The following WRN variants were observed in gnomAD, a reference collection of about 807,000 sequenced individuals.
WRN encodes bifunctional 3'-5' exonuclease/ATP-dependent helicase WRN.
A neutral mutation model predicts 180.7 loss-of-function variants in WRN; 149 were observed. The observed-to-expected ratio is 0.82, with a 90% CI of 0.72 to 0.94. WRN has a LOEUF of 0.94. Ranked by LOEUF, WRN falls within the 40% of genes least tolerant of loss-of-function variation. The pLI is 0.00. For synonymous variants in WRN, 548 were observed against 568.9 expected (o/e 0.96, Z 0.52); for missense variants, 1,661 against 1,700.1 (o/e 0.98, Z 0.40).
chr8:31,075,433 C>T (rs1303027858), intron 7 of WRN, among the ~76,000 whole-genome samples: 2 of 151,810 alleles, frequency 1.3e-5, no homozygotes, highest in Admixed American at 6.6e-5. Context: ...TTATTTTGGC[C>T]GGGGGTGGCA....
rs1441145019 is a variant in WRN at position 31,173,689 on chromosome 8, T to C, written c.*587T>C. Reference sequence around the variant, plus strand: ...GGAGACCAATTGCACTAGGCAAGTGTATATTTTGTATTTTATATACAATTT... The same window carrying C: ...GGAGACCAATTGCACTAGGCAAGTGCATATTTTGTATTTTATATACAATTT... On this transcript the variant is annotated 3_prime_UTR_variant, in exon 35 of 35. Coordinates refer to ENST00000298139, the MANE Select transcript of WRN (RefSeq NM_000553.6). The C allele has an allele frequency of 6.1e-6, 1 of 163,970 alleles. No homozygotes were observed. Among genetic ancestry groups the C allele is most frequent in the Admixed American group, 6.4e-5 (1 of 15,560 alleles). The allele number at this position is 163,970 out of a possible 1,614,324, so 10.2% of individuals were successfully genotyped here.
At chr8:31,057,589 C>CA (rs1173762584) in intron 1 of WRN, among the ~76,000 whole-genome samples, 2 of 151,586 alleles carry the variant, frequency 1.3e-5, no homozygotes, top group African/African-American at 2.4e-5. Flanking sequence ...AAACAAAAAA[C>CA]AAAAAAACTG....
intron 3 of WRN, among the ~76,000 whole-genome samples, chr8:31,061,641 T>C (rs1440512242): frequency 6.6e-6 from 1 of 152,088 alleles, no homozygotes. Context: ...AAGATCAACT[T>C]TATGTTTTGA....
At chr8:31,078,538 C>T (rs1290529210) in intron 8 of WRN, among the ~76,000 whole-genome samples, 1 of 152,118 alleles carries the variant, frequency 6.6e-6, no homozygotes, top group Non-Finnish European at 1.5e-5. Context: ...GAAGTGACAG[C>T]TGACAATCTG....
intron 31 of WRN, among the ~76,000 whole-genome samples, chr8:31,152,416 G>A (rs1007926701): frequency 6.6e-6 from 1 of 152,048 alleles, no homozygotes; most frequent in Non-Finnish European, 1.5e-5. Flanking sequence ...GGTAGGGACA[G>A]GGTAGTTAGA....
At chr8:31,126,865 C>T (rs1193645946) in intron 23 of WRN, among the ~76,000 whole-genome samples, 1 of 152,098 alleles carries the variant, frequency 6.6e-6, no homozygotes, top group Non-Finnish European at 1.5e-5. Flanking sequence ...AGAAAAGACA[C>T]AGAAGACCAA....
In WRN at chr8:31,174,250, A is replaced by G. The variant is rs1804200166; in HGVS notation, c.*1148A>G. On this transcript the variant is annotated 3_prime_UTR_variant, in exon 35 of 35. Transcript: ENST00000298139. ...GTCCAGCCATGGCTTCTGCATTTGC[A>G]TGCTTTTGTGTGTGCATCTGCAATA... Among the ~76,000 whole-genome samples the G allele has an allele frequency of 6.6e-6, 1 of 152,210 alleles. No homozygotes were observed. The highest frequency in any genetic ancestry group is 2.1e-4 in the South Asian group (1 of 4,836).
intron 33 of WRN, among the ~76,000 whole-genome samples, chr8:31,158,065 A>G (rs1803460909): frequency 6.6e-6 from 1 of 152,118 alleles, no homozygotes; most frequent in Admixed American, 6.6e-5. Flanking sequence ...TTTCAGCTTA[A>G]GGTTACAACT....
At chr8:31,116,629 T>TG in intron 20 of WRN, 101 bp downstream of exon 20, 1 of 1,511,944 alleles carries the variant, frequency 6.6e-7, no homozygotes, top group Non-Finnish European at 9.0e-7. Context: ...TTCTTTGTGT[T>TG]GAACATAAAG....
chr8:31,110,898 A>G (rs1217114218), intron 18 of WRN, among the ~76,000 whole-genome samples: 1 of 152,198 alleles, frequency 6.6e-6, no homozygotes, highest in Non-Finnish European at 1.5e-5. Flanking sequence ...TAGGGGAGGC[A>G]TGTTGTTACC....
chr8:31,036,909 A>G (rs1193544755), intron 1 of WRN, among the ~76,000 whole-genome samples: 1 of 152,144 alleles, frequency 6.6e-6, no homozygotes, highest in Non-Finnish European at 1.5e-5. Flanking sequence ...TTTTGAAGTC[A>G]TATCCAAAAA....
chr8:31,150,166 A>G (rs1803061816), intron 30 of WRN, among the ~76,000 whole-genome samples, 175 bp from the exon 31 acceptor site: 1 of 151,972 alleles, frequency 6.6e-6, no homozygotes, highest in Non-Finnish European at 1.5e-5. Context: ...GAAAGCAAAG[A>G]AAGAAATTAT....
At chr8:31,044,613 C>T (rs959453375) in intron 1 of WRN, among the ~76,000 whole-genome samples, 1 of 152,120 alleles carries the variant, frequency 6.6e-6, no homozygotes, top group African/African-American at 2.4e-5. Context: ...CCTCGGCCTC[C>T]CAAAGTTCTG....
chr8:31,143,554 A>G lies in WRN; in HGVS notation c.3314A>G (p.Asn1105Ser). 2 of 1,588,820 alleles carry G rather than the reference A, an allele frequency of 1.3e-6. No homozygotes were observed. The highest frequency in any genetic ancestry group is 2.2e-5 in the East Asian group (1 of 44,512). ...CCTTTATATGTTTAAATGCAGTCTA[A>G]CTTGGAGAAGTTATATTCTTATAAA... Reference protein sequence around the residue: ...PVELSTEKKSNLEKLYSYKPC... With the variant: ...PVELSTEKKSSLEKLYSYKPC... The change falls in exon 28 of 35, where the codon AAC becomes AGC. Residue 1105 changes from asparagine to serine, a missense_variant. This residue lies in a region of WRN where 1,141 missense variants were observed against 1,149.4 expected (regional missense o/e 0.99). Transcript: ENST00000298139.
At position 31,096,870 on chromosome 8, in the gene WRN, C is replaced by A. The variant is rs1814009414; in HGVS notation, c.1981+20C>A. 1 of 1,598,616 alleles carries A rather than the reference C, an allele frequency of 6.3e-7. No homozygotes were observed. The highest frequency in any genetic ancestry group is 8.6e-7 in the Non-Finnish European group (1 of 1,166,492). ...ATATTGGTAAGTGATAAAGAAAGAT[C>A]TCTGTAAATACTTACTGAGTTAATA... On this transcript the variant is annotated intron_variant, in intron 17 of 34. Transcript: ENST00000298139.
At chr8:31,144,026 T>C (rs1354740957) in intron 28 of WRN, among the ~76,000 whole-genome samples, 1 of 152,210 alleles carries the variant, frequency 6.6e-6, no homozygotes, top group Non-Finnish European at 1.5e-5. Flanking sequence ...ACCTCTAGCA[T>C]CAAGACACTA....
At position 31,081,270 on chromosome 8, in the gene WRN, A is replaced by C; in HGVS notation, c.1243A>C (p.Ser415Arg). The C allele has an allele frequency of 2.5e-6, 4 of 1,613,522 alleles. No homozygotes were observed. The highest frequency in any genetic ancestry group is 3.4e-6 in the Non-Finnish European group (4 of 1,179,594). The stretch of plus-strand genomic sequence containing the variant: ...ACAGCAGTCTCAGGAAGAATATCTT[A>C]GTGATATTGCTTATAAATCTACTGA... Reference protein sequence around the residue: ...LEQQSQEEYLSDIAYKSTEHL... With the variant: ...LEQQSQEEYLRDIAYKSTEHL... The change falls in exon 9 of 35, where the codon AGT becomes CGT. Residue 415 changes from serine (S) to arginine (R), a missense_variant. Physicochemically the swap from Ser to Arg is moderately radical, Grantham distance 110 (BLOSUM62 -1). Transcript: ENST00000298139.
intron 5 of WRN, among the ~76,000 whole-genome samples, chr8:31,066,288 C>T (rs2880862): frequency 0.53 from 80,650 of 151,572 alleles, 23,155 homozygotes; most frequent in Non-Finnish European, 0.63. Context: ...TGGGTTCAAG[C>T]GATTCTCCTG....
intron 21 of WRN, 149 bp downstream of exon 21, chr8:31,120,573 C>A: frequency 1.2e-6 from 1 of 838,560 alleles, no homozygotes; most frequent in Non-Finnish European, 1.8e-6. Context: ...TAAAACCTCC[C>A]CAAATCCAGA....
Sources: allele counts gnomAD v4.1 joint callset (sites outside exome capture counted in the v4.1 genomes callset), GRCh38; gene constraint gnomAD v4.1.1; regional missense constraint gnomAD v4.1.1; transcripts MANE v1.5; gene names NCBI Gene and HGNC (gene_info 2026-07-23, HGNC 2026-07-21).